The following REDIC1 variants were observed in gnomAD, a reference collection of about 807,000 sequenced individuals.
REDIC1 encodes HEI10 Interacting Protein 1.
the REDIC1 span, among the ~76,000 whole-genome samples, chr12:39,693,062 T>A: frequency 6.6e-6 from 1 of 152,142 alleles, no homozygotes; most frequent in Non-Finnish European, 1.5e-5. Context: ...TTATGAAATG[T>A]CATTTGCTCA....
the REDIC1 span, among the ~76,000 whole-genome samples, chr12:39,891,717 C>T: frequency 6.6e-6 from 1 of 152,086 alleles, no homozygotes; most frequent in African/African-American, 2.4e-5. Context: ...TATGAACATG[C>T]CTTAGGTTAG....
At chr12:39,672,985 G>A in the REDIC1 span, among the ~76,000 whole-genome samples, 6 of 152,114 alleles carry the variant, frequency 3.9e-5, no homozygotes, top group Non-Finnish European at 8.8e-5. Flanking sequence ...CATTCTCAGA[G>A]CCCATGAGGG....
At chr12:39,885,685 C>G in the REDIC1 span, among the ~76,000 whole-genome samples, 1 of 152,176 alleles carries the variant, frequency 6.6e-6, no homozygotes, top group Non-Finnish European at 1.5e-5. Context: ...TTCTCTTCTA[C>G]CTCGTGAATC....
chr12:39,642,115 T>G, the REDIC1 span, among the ~76,000 whole-genome samples: 1 of 151,798 alleles, frequency 6.6e-6, no homozygotes, highest in Non-Finnish European at 1.5e-5. Flanking sequence ...CTAGTTCTTT[T>G]CAAATTGTTT....
the REDIC1 span, among the ~76,000 whole-genome samples, chr12:39,720,142 A>T: frequency 1.4e-4 from 22 of 152,004 alleles, no homozygotes; most frequent in East Asian, 3.9e-4. Flanking sequence ...AAAAGTTCTT[A>T]AAAAAAGTTC....
the REDIC1 span, chr12:39,648,035 T>G: frequency 8.6e-7 from 1 of 1,168,612 alleles, no homozygotes; most frequent in Non-Finnish European, 1.1e-6. Flanking sequence ...ATGAAACTCT[T>G]TTTTTCTTTT....
the REDIC1 span, among the ~76,000 whole-genome samples, chr12:39,711,033 C>G: frequency 6.6e-6 from 1 of 151,348 alleles, no homozygotes; most frequent in Non-Finnish European, 1.5e-5. Context: ...AGTCTTTTAT[C>G]CCACTTCCTC....
the REDIC1 span, among the ~76,000 whole-genome samples, chr12:39,904,070 A>G: frequency 3.1e-4 from 47 of 152,146 alleles, no homozygotes; most frequent in Non-Finnish European, 3.5e-4. Flanking sequence ...GGAAAAGAAC[A>G]CAGAGCAAAG....
chr12:39,895,186 G>A, the REDIC1 span, among the ~76,000 whole-genome samples: 1 of 151,996 alleles, frequency 6.6e-6, no homozygotes, highest in African/African-American at 2.4e-5. Context: ...TGAGTAACAA[G>A]TAGTGGGTCT....
chr12:39,762,863 T>C, the REDIC1 span, among the ~76,000 whole-genome samples: 15 of 152,022 alleles, frequency 9.9e-5, no homozygotes, highest in African/African-American at 3.4e-4. Context: ...CTTTTAACTG[T>C]TTATTTTTGA....
At chr12:39,680,005 CT>C in the REDIC1 span, among the ~76,000 whole-genome samples, 1 of 151,960 alleles carries the variant, frequency 6.6e-6, no homozygotes, top group South Asian at 2.1e-4. Context: ...TGATAAAAAA[CT>C]TTAAGACATG....
At chr12:39,770,940 G>A in the REDIC1 span, among the ~76,000 whole-genome samples, 1 of 152,070 alleles carries the variant, frequency 6.6e-6, no homozygotes, top group Non-Finnish European at 1.5e-5. Flanking sequence ...TGGCCTCTAG[G>A]TGTAATATCT....
chr12:39,905,521 A>C, the REDIC1 span, among the ~76,000 whole-genome samples: 1 of 152,140 alleles, frequency 6.6e-6, no homozygotes, highest in East Asian at 1.9e-4. Context: ...CTCATTTACA[A>C]ATATGGTCTA....
the REDIC1 span, among the ~76,000 whole-genome samples, chr12:39,689,566 A>G: frequency 6.6e-6 from 1 of 152,192 alleles, no homozygotes; most frequent in Non-Finnish European, 1.5e-5. Flanking sequence ...CAAGTATATG[A>G]TTCTCGAGAG....
the REDIC1 span, among the ~76,000 whole-genome samples, chr12:39,669,747 C>T: frequency 6.6e-6 from 1 of 152,208 alleles, no homozygotes; most frequent in Non-Finnish European, 1.5e-5. Flanking sequence ...TAAGCCTCCG[C>T]CGTGGTGGGC....
the REDIC1 span, among the ~76,000 whole-genome samples, chr12:39,827,278 C>A: frequency 1.3e-5 from 2 of 152,220 alleles, no homozygotes; most frequent in South Asian, 4.1e-4. Flanking sequence ...ATAGCAAAGG[C>A]TCTTGGTTTT....
At chr12:39,762,443 A>T in the REDIC1 span, among the ~76,000 whole-genome samples, 1 of 122,466 alleles carries the variant, frequency 8.2e-6, no homozygotes, top group Non-Finnish European at 1.8e-5. Context: ...CTTTGACATA[A>T]TGCCCCCCAA....
the REDIC1 span, among the ~76,000 whole-genome samples, chr12:39,783,716 T>A: frequency 2.9e-4 from 44 of 152,146 alleles, no homozygotes; most frequent in African/African-American, 9.9e-4. Context: ...TTGGGGGTTG[T>A]TTGTTTTCTT....
At chr12:39,679,452 A>G in the REDIC1 span, among the ~76,000 whole-genome samples, 1 of 152,156 alleles carries the variant, frequency 6.6e-6, no homozygotes, top group African/African-American at 2.4e-5. Context: ...GGTGAAAGAT[A>G]TCTACAAGAA....
Sources: allele counts gnomAD v4.1 joint callset (sites outside exome capture counted in the v4.1 genomes callset), GRCh38; gene constraint gnomAD v4.1.1; transcripts MANE v1.5; gene names NCBI Gene and HGNC (gene_info 2026-07-23, HGNC 2026-07-21).